TAFA5: variants seen among roughly 807,000 people sequenced by gnomAD.
TAFA5 encodes the protein chemokine-like protein TAFA-5.
A neutral mutation model predicts 15.3 loss-of-function variants in TAFA5; 6 were observed. That is an observed-to-expected ratio of 0.39 (90% CI 0.21 to 0.77). The LOEUF (loss-of-function observed/expected upper bound fraction) is 0.77, where lower values mean the gene tolerates loss of function less well. Ranked by LOEUF, TAFA5 falls within the 30% of genes least tolerant of loss-of-function variation. The pLI, the probability that TAFA5 is intolerant of heterozygous loss-of-function variation, is 0.41. For missense variants in TAFA5, 161 were observed against 193.1 expected (o/e 0.83, Z 0.98); for synonymous variants, 103 against 80.7 (o/e 1.28, Z -1.48).
At chr22:48,589,528 T>A (rs1054499608) in intron 1 of TAFA5, among the ~76,000 whole-genome samples, 1 of 151,394 alleles carries the variant, frequency 6.6e-6, no homozygotes, top group Admixed American at 6.6e-5. Flanking sequence ...AAACCCAGGG[T>A]CGGTTGGAGG....
At chr22:48,584,140 C>G (rs977971897) in intron 1 of TAFA5, among the ~76,000 whole-genome samples, 1 of 146,904 alleles carries the variant, frequency 6.8e-6, no homozygotes. Flanking sequence ...TGCACACACC[C>G]CCCCACAAAA....
chr22:48,611,102 T>A (rs1925391303), intron 1 of TAFA5, among the ~76,000 whole-genome samples: 2 of 152,152 alleles, frequency 1.3e-5, no homozygotes, highest in South Asian at 4.1e-4. Context: ...CCCAGCTAAT[T>A]TTTTGTATAT....
intron 1 of TAFA5, among the ~76,000 whole-genome samples, chr22:48,630,487 G>A (rs1926180400): frequency 6.6e-6 from 1 of 152,134 alleles, no homozygotes; most frequent in Non-Finnish European, 1.5e-5. Flanking sequence ...GGCGTGTGAT[G>A]ACCAGGTGTG....
chr22:48,680,484 A>G (rs1928147677), intron 2 of TAFA5, among the ~76,000 whole-genome samples: 1 of 76,212 alleles, frequency 1.3e-5, no homozygotes, highest in African/African-American at 5.4e-5. Flanking sequence ...GGGGGCTAAG[A>G]GGTGACGGCA....
intron 2 of TAFA5, among the ~76,000 whole-genome samples, chr22:48,691,436 G>A (rs926627570): frequency 6.6e-6 from 1 of 152,234 alleles, no homozygotes; most frequent in African/African-American, 2.4e-5. Context: ...AGATGGAGAC[G>A]TGGCCAGGAC....
chr22:48,537,707 G>A (rs974874279), intron 1 of TAFA5, among the ~76,000 whole-genome samples: 1 of 152,162 alleles, frequency 6.6e-6, no homozygotes, highest in Non-Finnish European at 1.5e-5. Context: ...TCTCCCTGGG[G>A]CCCTGGAGGC....
At chr22:48,733,945 G>T (rs549126646) in intron 3 of TAFA5, among the ~76,000 whole-genome samples, 1 of 152,178 alleles carries the variant, frequency 6.6e-6, no homozygotes, top group Non-Finnish European at 1.5e-5. Flanking sequence ...CCTGCCAAGA[G>T]CTGGAATGGG....
At chr22:48,731,668 G>A (rs1192351441) in intron 3 of TAFA5, among the ~76,000 whole-genome samples, 5 of 152,126 alleles carry the variant, frequency 3.3e-5, no homozygotes, top group African/African-American at 1.2e-4. Context: ...TGGCATGGTT[G>A]ACTGAATCCT....
chr22:48,631,885 G>A (rs971914230), intron 1 of TAFA5, among the ~76,000 whole-genome samples: 1 of 152,200 alleles, frequency 6.6e-6, no homozygotes, highest in Non-Finnish European at 1.5e-5. Context: ...GCTCCTGGCT[G>A]TGAACGGGCG....
chr22:48,608,744 G>T (rs980016007), intron 1 of TAFA5, among the ~76,000 whole-genome samples: 5 of 152,194 alleles, frequency 3.3e-5, no homozygotes, highest in African/African-American at 1.2e-4. Context: ...GCAGAGTGCC[G>T]TGGAGGGGCT....
intron 2 of TAFA5, among the ~76,000 whole-genome samples, chr22:48,677,163 G>A (rs1157632936): frequency 6.6e-6 from 1 of 152,260 alleles, no homozygotes; most frequent in South Asian, 2.1e-4. Flanking sequence ...GCCAGCTGCT[G>A]TGAATACAGC....
At chr22:48,499,674 A>G (rs1920942293) in intron 1 of TAFA5, among the ~76,000 whole-genome samples, 1 of 152,214 alleles carries the variant, frequency 6.6e-6, no homozygotes, top group African/African-American at 2.4e-5. Context: ...GCCTCCAGGC[A>G]GGCTATTCTC....
chr22:48,739,785 G>C (rs1930128294), intron 3 of TAFA5, among the ~76,000 whole-genome samples: 1 of 152,182 alleles, frequency 6.6e-6, no homozygotes, highest in African/African-American at 2.4e-5. Context: ...CTTGTGGACT[G>C]GTTCTCCTGG....
At chr22:48,497,195 G>T (rs1329479517) in intron 1 of TAFA5, among the ~76,000 whole-genome samples, 3 of 152,336 alleles carry the variant, frequency 2.0e-5, no homozygotes, top group East Asian at 3.9e-4. Flanking sequence ...CCCCGCCTGC[G>T]GTGTTCCAGG....
chr22:48,734,908 T>C (rs753601001), intron 3 of TAFA5, among the ~76,000 whole-genome samples: 1 of 152,130 alleles, frequency 6.6e-6, no homozygotes, highest in African/African-American at 2.4e-5. Flanking sequence ...TCCCCTGGTA[T>C]TGCAGAGTAA....
chr22:48,518,009 C>T (rs868756677), intron 1 of TAFA5, among the ~76,000 whole-genome samples: 1 of 152,222 alleles, frequency 6.6e-6, no homozygotes, highest in South Asian at 2.1e-4. Context: ...GCCCCACGTC[C>T]TCTCTGAACG....
intron 1 of TAFA5, among the ~76,000 whole-genome samples, chr22:48,577,381 G>T (rs1048718081): frequency 6.6e-6 from 1 of 152,162 alleles, no homozygotes; most frequent in African/African-American, 2.4e-5. Flanking sequence ...AGGGCTCCCG[G>T]TGCACCCCGG....
At chr22:48,520,895 G>A (rs183657146) in intron 1 of TAFA5, among the ~76,000 whole-genome samples, 32 of 152,308 alleles carry the variant, frequency 2.1e-4, no homozygotes, top group Non-Finnish European at 4.3e-4. Context: ...GGCCAGGGGG[G>A]GTCGCAGGGT....
chr22:48,571,574 G>GTCTTTT (rs1923586846), intron 1 of TAFA5, among the ~76,000 whole-genome samples: 1 of 29,232 alleles, frequency 3.4e-5, no homozygotes, highest in Admixed American at 5.6e-4. Context: ...TGCCTGGCCT[G>GTCTTTT]TTTTTTTTTT....
Sources: allele counts gnomAD v4.1 joint callset (sites outside exome capture counted in the v4.1 genomes callset), GRCh38; gene constraint gnomAD v4.1.1; transcripts MANE v1.5; gene names NCBI Gene and HGNC (gene_info 2026-07-23, HGNC 2026-07-21).